SMG1: variants seen among roughly 807,000 people sequenced by gnomAD.
SMG1 encodes SMG1 nonsense mediated mRNA decay associated PI3K related kinase, also known as serine/threonine-protein kinase SMG1.
SMG1 carries 22 observed loss-of-function variants against 419.9 expected under a neutral mutation model. That is an observed-to-expected ratio of 0.05 (90% CI 0.04 to 0.07). The LOEUF (loss-of-function observed/expected upper bound fraction) is 0.07, where lower values mean the gene tolerates loss of function less well. Among genes scored for constraint, SMG1 ranks in the 10% least tolerant of loss-of-function variants. The pLI, the probability that SMG1 is intolerant of heterozygous loss-of-function variation, is 1.00. For synonymous variants in SMG1, 1,538 were observed against 1,553.5 expected (o/e 0.99, Z 0.23); for missense variants, 3,185 against 4,342.0 (o/e 0.73, Z 7.49).
chr16:18,904,322 T>C (rs1306746817), intron 1 of SMG1, among the ~76,000 whole-genome samples: 1 of 148,264 alleles, frequency 6.7e-6, no homozygotes, highest in Non-Finnish European at 1.5e-5. Context: ...AGTCTTACTT[T>C]AAAAAAAACA....
intron 23 of SMG1, 159 bp downstream of exon 23, chr16:18,866,462 G>A: frequency 4.2e-6 from 3 of 711,866 alleles, no homozygotes; most frequent in Non-Finnish European, 7.2e-6. Flanking sequence ...GCTAACTAAA[G>A]AACAAACTGA....
chr16:18,906,157 C>T (rs1021017098), intron 1 of SMG1, among the ~76,000 whole-genome samples: 1 of 150,950 alleles, frequency 6.6e-6, no homozygotes, highest in African/African-American at 2.4e-5. Context: ...ATCACCTCCC[C>T]TCCCCATACA....
Position 18,890,851 on chromosome 16 carries a change from T to C in SMG1, c.608+12A>G. 6 of 1,505,964 alleles carry C rather than the reference T, an allele frequency of 4.0e-6. No individual in the cohort carries two copies. Among genetic ancestry groups the C allele is most frequent in the East Asian group, 2.3e-5 (1 of 44,286 alleles). The allele number at this position is 1,505,964 out of a possible 1,614,324, so 93.3% of individuals were successfully genotyped here. A position where few individuals can be genotyped will look rare whatever the true frequency, so the allele number is the denominator to read the frequency against. On this transcript the variant is annotated intron_variant, in intron 5 of 62. Transcript: ENST00000446231. ...TAAAGTCATTTAAACTGAACCATTA[T>C]TAGTTACTTACCTTTCATTAAGCAC...
At chr16:18,832,474 G>T (rs557431249) in intron 51 of SMG1, among the ~76,000 whole-genome samples, 5 of 152,182 alleles carry the variant, frequency 3.3e-5, no homozygotes, top group Non-Finnish European at 7.4e-5. Context: ...TCTCCAAGGG[G>T]TTCTACAAGA....
intron 1 of SMG1, among the ~76,000 whole-genome samples, chr16:18,920,377 C>T (rs1041438957): frequency 3.9e-5 from 5 of 128,348 alleles, no homozygotes; most frequent in Admixed American, 1.7e-4. Context: ...AGCAAAACTC[C>T]GTCTCAAAAA....
At chr16:18,880,750 T>C (rs2036353352) in intron 10 of SMG1, among the ~76,000 whole-genome samples, 4 of 149,182 alleles carry the variant, frequency 2.7e-5, no homozygotes, top group Admixed American at 2.7e-4. Flanking sequence ...GGAAGCATTC[T>C]TGGCCATGCA....
At chr16:18,861,875 C>G (rs999717074) in intron 25 of SMG1, among the ~76,000 whole-genome samples, 3 of 152,174 alleles carry the variant, frequency 2.0e-5, no homozygotes, top group Non-Finnish European at 2.9e-5. Context: ...CTGTCTATAG[C>G]AACTTTGACT....
chr16:18,848,241 A>C (rs1485455886), intron 36 of SMG1, among the ~76,000 whole-genome samples: 1 of 152,160 alleles, frequency 6.6e-6, no homozygotes, highest in Non-Finnish European at 1.5e-5. Flanking sequence ...AGCTAATGGA[A>C]GATACAAAGG....
In SMG1 at chr16:18,839,575, G is replaced by T. The variant is rs543344195; in HGVS notation, c.6945+123C>A. 3.2e-6 allele frequency: 4 copies of T among 1,265,284 alleles called. No individual in the cohort carries two copies. In the Admixed American group the frequency reaches 6.1e-5, roughly 19 times the overall value. The allele number at this position is 1,265,284 out of a possible 1,614,324, so 78.4% of individuals were successfully genotyped here. On this transcript the variant is annotated intron_variant, in intron 42 of 62. Transcript: ENST00000446231. ...ACTGTAATATTAAACTCAAATATAC[G>T]TCTCAAACTACCAAGTCTGGAGGGA...
chr16:18,849,803 T>C lies in SMG1; in HGVS notation c.5461+146A>G, dbSNP rs1394725558. The C allele has an allele frequency of 4.2e-6, 3 of 722,542 alleles. No individual in the cohort carries two copies. In the Admixed American group the frequency reaches 9.9e-5, roughly 24 times the overall value. 44.8% of individuals were successfully genotyped at this position (722,542 alleles called of 1,614,324 possible). A position where few individuals can be genotyped will look rare whatever the true frequency, so the allele number is the denominator to read the frequency against. On this transcript the variant is annotated intron_variant, in intron 35 of 62. Transcript: ENST00000446231. ...GGTGGGAGGAAAAGTCCTAGTGATG[T>C]AACAAGCAGTGCAGGGTGTCCTAGG...
chr16:18,873,717 T>A (rs1208502454), intron 13 of SMG1, among the ~76,000 whole-genome samples: 1 of 152,228 alleles, frequency 6.6e-6, no homozygotes, highest in East Asian at 1.9e-4. Flanking sequence ...GGAAGTAGAC[T>A]GTATTTCCTC....
intron 48 of SMG1, among the ~76,000 whole-genome samples, chr16:18,835,643 C>T (rs1176849366): frequency 3.3e-5 from 5 of 152,122 alleles, no homozygotes; most frequent in Non-Finnish European, 7.3e-5. Flanking sequence ...CAGTGGCTCA[C>T]GCCTGTAATC....
intron 3 of SMG1, among the ~76,000 whole-genome samples, chr16:18,894,256 G>A (rs1379831803): frequency 6.6e-6 from 1 of 151,734 alleles, no homozygotes; most frequent in African/African-American, 2.4e-5. Flanking sequence ...TAACAAATCT[G>A]CACTGGTATC....
chr16:18,811,348 C>T (rs2031378972), intron 62 of SMG1, among the ~76,000 whole-genome samples: 1 of 152,192 alleles, frequency 6.6e-6, no homozygotes, highest in African/African-American at 2.4e-5. Context: ...GAACTTTTCA[C>T]TTATGGCATC....
intron 23 of SMG1, among the ~76,000 whole-genome samples, chr16:18,864,849 G>C (rs1234149774): frequency 6.6e-6 from 1 of 152,150 alleles, no homozygotes; most frequent in African/African-American, 2.4e-5. Flanking sequence ...AGAATAAACT[G>C]AGCTAAAACA....
rs890254722 is a variant in SMG1 at position 18,845,657 on chromosome 16, C to G, written c.5997-6G>C. 1 of 1,595,664 alleles carries G rather than the reference C, an allele frequency of 6.3e-7. No homozygotes were observed. Among genetic ancestry groups the G allele is most frequent in the South Asian group, 1.1e-5 (1 of 88,772 alleles). Reference sequence around the variant, plus strand: ...TGATTGCAATTTTCTCTTCTCTGACCAAGAAGACATTTTTATTCAAAAACT... The same window carrying G: ...TGATTGCAATTTTCTCTTCTCTGACGAAGAAGACATTTTTATTCAAAAACT... On this transcript the variant is annotated splice_polypyrimidine_tract_variant and splice_region_variant and intron_variant, in intron 38 of 62. Coordinates refer to ENST00000446231, the MANE Select transcript of SMG1 (RefSeq NM_015092.5).
chr16:18,847,786 T>G, intron 37 of SMG1, 30 bp downstream of exon 37: 1 of 1,602,564 alleles, frequency 6.2e-7, no homozygotes, highest in South Asian at 1.1e-5. Flanking sequence ...CTATAAAAAA[T>G]TCTTCTACAA....
Position 18,816,364 on chromosome 16 carries a change from C to G in SMG1, c.10240G>C (p.Val3414Leu), listed in dbSNP as rs776072818. The change falls in exon 58 of 63, where the codon GTG becomes CTG. Residue 3414 changes from valine to leucine, a missense_variant. Transcript: ENST00000446231. ...IQNLVDNIKT[V>L]LTGHNRQLGD... ...AGCTGTCGGTTATGACCAGTGAGCA[C>G]AGTCTTTATATTATCAACCAGATTC... is the stretch of plus-strand genomic sequence containing the variant. The G allele has an allele frequency of 3.2e-5, 51 of 1,613,822 alleles. No homozygotes were observed. The highest frequency in any genetic ancestry group is 4.0e-5 in the Non-Finnish European group (47 of 1,179,878).
Position 18,805,632 on chromosome 16 carries a change from T to A in SMG1, c.*3937A>T, listed in dbSNP as rs1182215968. ...TCCCCTCCCCAACGTTTGGAAAAAA[T>A]TGGGACACTTGCTAGTTCTTCCCTG... On this transcript the variant is annotated 3_prime_UTR_variant, in exon 63 of 63. Transcript: ENST00000446231. The A allele has an allele frequency of 1.3e-5, 2 of 152,128 alleles. No homozygotes were observed. Among genetic ancestry groups the A allele is most frequent in the African/African-American group, 4.8e-5 (2 of 41,418 alleles). 9.4% of individuals were successfully genotyped at this position (152,128 alleles called of 1,614,324 possible).
Sources: allele counts gnomAD v4.1 joint callset (sites outside exome capture counted in the v4.1 genomes callset), GRCh38; gene constraint gnomAD v4.1.1; transcripts MANE v1.5; gene names NCBI Gene and HGNC (gene_info 2026-07-23, HGNC 2026-07-21).